Variants in CRIM1 observed in about 807,000 individuals in gnomAD.
CRIM1 encodes the protein cysteine-rich motor neuron 1 protein.
Under a neutral mutation model 116.4 loss-of-function variants are expected in CRIM1, and 32 were observed. The observed-to-expected ratio is 0.27, with a 90% CI of 0.21 to 0.37. The LOEUF (loss-of-function observed/expected upper bound fraction) is 0.37, where lower values mean the gene tolerates loss of function less well. Among genes scored for constraint, CRIM1 ranks in the 10% least tolerant of loss-of-function variants. The probability of loss-of-function intolerance (pLI) is 1.00; values close to 1 mark genes in which losing one functional copy is unlikely to be tolerated. For synonymous variants in CRIM1, 590 were observed against 509.2 expected (o/e 1.16, Z -2.13); for missense variants, 1,331 against 1,354.8 (o/e 0.98, Z 0.28).
rs868810171 is a variant in CRIM1 at position 36,550,521 on chromosome 2, G to C, written c.*1820G>C. 6.6e-6 allele frequency: 1 copy of C among 152,298 alleles called. No individual in the cohort carries two copies. The highest frequency in any genetic ancestry group is 2.4e-5 in the African/African-American group (1 of 41,354). The allele number at this position is 152,298 out of a possible 1,614,324, so 9.4% of individuals were successfully genotyped here. A position where few individuals can be genotyped will look rare whatever the true frequency, so the allele number is the denominator to read the frequency against. On this transcript the variant is annotated 3_prime_UTR_variant, in exon 17 of 17. Coordinates refer to ENST00000280527, the MANE Select transcript of CRIM1 (RefSeq NM_016441.3). Reference sequence around the variant, plus strand: ...TTTCAAGTATTGTTGTAAATACTTGGACAGAGGTTGCTGAACTTTAAAAAA... The same window carrying C: ...TTTCAAGTATTGTTGTAAATACTTGCACAGAGGTTGCTGAACTTTAAAAAA...
chr2:36,529,322 A>C, intron 13 of CRIM1: 1 of 370,932 alleles, frequency 2.7e-6, no homozygotes, highest in Middle Eastern at 7.4e-4. Flanking sequence ...AAACTGGCCA[A>C]TCTGGAAGGT....
At chr2:36,496,640 A>G (rs528420255) in intron 7 of CRIM1, among the ~76,000 whole-genome samples, 1 of 152,234 alleles carries the variant, frequency 6.6e-6, no homozygotes, top group African/African-American at 2.4e-5. Context: ...TATTTGTTCA[A>G]GTGAACAAAA....
intron 2 of CRIM1, among the ~76,000 whole-genome samples, chr2:36,437,984 T>A (rs1253881387): frequency 3.3e-5 from 5 of 151,924 alleles, no homozygotes; most frequent in African/African-American, 1.2e-4. Context: ...ATACAAAAAT[T>A]AGCTGGATGT....
At chr2:36,509,904 T>C in intron 8 of CRIM1, 79 bp from the exon 9 acceptor site, 1 of 1,303,230 alleles carries the variant, frequency 7.7e-7, no homozygotes, top group Non-Finnish European at 1.1e-6. Context: ...AGTGGAGGAT[T>C]CAGGGACCGT....
chr2:36,391,118 A>ATTTTTTTT (rs57108558), intron 1 of CRIM1, among the ~76,000 whole-genome samples: 7 of 67,242 alleles, frequency 1.0e-4, no homozygotes, highest in Non-Finnish European at 1.5e-4. Flanking sequence ...CCAACTTTTG[A>ATTTTTTTT]TTTTTTTTTT....
At chr2:36,532,654 C>T (rs1029181460) in intron 13 of CRIM1, among the ~76,000 whole-genome samples, 15 of 152,178 alleles carry the variant, frequency 9.9e-5, no homozygotes, top group Non-Finnish European at 2.1e-4. Flanking sequence ...ACAGGTTATC[C>T]GGCTTGGCAC....
At chr2:36,439,554 C>G (rs1675612164) in intron 2 of CRIM1, among the ~76,000 whole-genome samples, 1 of 152,190 alleles carries the variant, frequency 6.6e-6, no homozygotes, top group South Asian at 2.1e-4. Context: ...CTCACTGTGC[C>G]TCAGCCACAC....
chr2:36,456,583 G>A (rs1304198984), intron 4 of CRIM1, among the ~76,000 whole-genome samples: 1 of 152,116 alleles, frequency 6.6e-6, no homozygotes, highest in Non-Finnish European at 1.5e-5. Context: ...AGATGCCATT[G>A]TCTTCCCCTA....
intron 13 of CRIM1, among the ~76,000 whole-genome samples, chr2:36,528,557 C>T (rs909485804): frequency 2.6e-5 from 4 of 152,190 alleles, no homozygotes; most frequent in African/African-American, 9.6e-5. Flanking sequence ...CACTGTGATT[C>T]CTGGGAACAG....
intron 1 of CRIM1, among the ~76,000 whole-genome samples, chr2:36,376,795 C>A (rs1169916539): frequency 2.0e-5 from 3 of 152,182 alleles, no homozygotes; most frequent in African/African-American, 7.2e-5. Flanking sequence ...TGCCTGACTT[C>A]CTGACCTGCT....
intron 12 of CRIM1, among the ~76,000 whole-genome samples, chr2:36,517,885 A>G (rs1665135629): frequency 1.3e-5 from 2 of 152,384 alleles, no homozygotes; most frequent in Non-Finnish European, 2.9e-5. Context: ...TGTTACTGTG[A>G]AAAGTCATCT....
intron 3 of CRIM1, 124 bp from the exon 4 acceptor site, chr2:36,442,491 C>G (rs1675925181): frequency 1.8e-6 from 2 of 1,130,756 alleles, no homozygotes; most frequent in Non-Finnish European, 2.6e-6. Context: ...CATGTCGACA[C>G]TAGGACTGGG....
intron 4 of CRIM1, among the ~76,000 whole-genome samples, chr2:36,455,107 G>C (rs1311133097): frequency 6.6e-6 from 1 of 152,262 alleles, no homozygotes; most frequent in Admixed American, 6.5e-5. Context: ...GGGCCAGGGA[G>C]AACTGGAAGG....
chr2:36,360,335 G>A (rs1330347097), intron 1 of CRIM1, among the ~76,000 whole-genome samples: 9 of 152,160 alleles, frequency 5.9e-5, no homozygotes, highest in Non-Finnish European at 1.3e-4. Flanking sequence ...TTAGATTCAG[G>A]TGATAGCTAG....
At chr2:36,488,248 A>G (rs1199040596) in intron 7 of CRIM1, among the ~76,000 whole-genome samples, 1 of 152,236 alleles carries the variant, frequency 6.6e-6, no homozygotes, top group Non-Finnish European at 1.5e-5. Context: ...TTGCAATACT[A>G]TTTTAAAATC....
intron 5 of CRIM1, among the ~76,000 whole-genome samples, chr2:36,469,928 C>T (rs998056270): frequency 6.6e-6 from 1 of 152,114 alleles, no homozygotes; most frequent in East Asian, 1.9e-4. Flanking sequence ...TTGGTGTCCT[C>T]CAGCACACAC....
intron 5 of CRIM1, among the ~76,000 whole-genome samples, chr2:36,476,081 AGAAT>A (rs2125038552): frequency 6.6e-6 from 1 of 152,210 alleles, no homozygotes; most frequent in African/African-American, 2.4e-5. Flanking sequence ...CTAAAATTAA[AGAAT>A]GAATGTAGGG....
intron 2 of CRIM1, among the ~76,000 whole-genome samples, chr2:36,424,040 T>C (rs1042530001): frequency 6.6e-6 from 1 of 152,100 alleles, no homozygotes; most frequent in Non-Finnish European, 1.5e-5. Flanking sequence ...CAGTAAAGGA[T>C]ATAATAGCTG....
intron 1 of CRIM1, among the ~76,000 whole-genome samples, chr2:36,394,881 C>T (rs1200558869): frequency 3.3e-5 from 5 of 152,032 alleles, no homozygotes; most frequent in African/African-American, 7.2e-5. Flanking sequence ...ATTCTTGTAA[C>T]GACCTCTTGA....
Sources: allele counts gnomAD v4.1 joint callset (sites outside exome capture counted in the v4.1 genomes callset), GRCh38; gene constraint gnomAD v4.1.1; transcripts MANE v1.5; gene names NCBI Gene and HGNC (gene_info 2026-07-23, HGNC 2026-07-21).